PCDHGA4: variants seen among roughly 807,000 people sequenced by gnomAD.
The protein encoded by PCDHGA4 is protocadherin gamma-A4.
A neutral mutation model predicts 54.6 loss-of-function variants in PCDHGA4; 38 were observed. That is an observed-to-expected ratio of 0.70 (90% CI 0.54 to 0.91). The LOEUF (loss-of-function observed/expected upper bound fraction) is 0.91. Among genes scored for constraint, PCDHGA4 ranks in the 40% least tolerant of loss-of-function variants. The pLI is 0.00. For missense variants in PCDHGA4, 1,298 were observed against 1,220.9 expected (o/e 1.06, Z -0.94); for synonymous variants, 511 against 512.9 (o/e 1.00, Z 0.05).
At chr5:141,451,703 A>C (rs975120935) in intron 1 of PCDHGA4, among the ~76,000 whole-genome samples, 2 of 152,144 alleles carry the variant, frequency 1.3e-5, no homozygotes, top group Non-Finnish European at 2.9e-5. Context: ...GTAACATGAC[A>C]AAACCCTGCC....
chr5:141,501,290 T>C lies in PCDHGA4; in HGVS notation c.2574-4103T>C, dbSNP rs796726601. Among the ~76,000 whole-genome samples, 19 of 136,248 alleles carry C rather than the reference T, an allele frequency of 1.4e-4. No individual in the cohort carries two copies. The South Asian group carries it at 2.4e-3, about 17-fold the overall frequency. 89.4% of individuals were successfully genotyped at this position (136,248 alleles called of 152,430 possible). ...GTCCAGTCTATGGGATATTCCCTTA[T>C]ACACACACACACACACACACACACA... On this transcript the variant is annotated intron_variant, in intron 2 of 3. Coordinates refer to ENST00000571252, the MANE Select transcript of PCDHGA4 (RefSeq NM_018917.4).
At chr5:141,387,213 G>C (rs1279285840) in intron 1 of PCDHGA4, among the ~76,000 whole-genome samples, 4 of 152,128 alleles carry the variant, frequency 2.6e-5, no homozygotes, top group Admixed American at 1.3e-4. Flanking sequence ...ATACTCTCCG[G>C]AAAAAGTTGA....
intron 1 of PCDHGA4, chr5:141,376,025 G>A (rs1561571387): frequency 6.2e-7 from 1 of 1,613,266 alleles, no homozygotes; most frequent in East Asian, 2.2e-5. Flanking sequence ...GGCCGTCCAG[G>A]ACCACGGCCA....
Position 141,356,212 on chromosome 5 carries a change from C to G in PCDHGA4, c.1105C>G (p.Leu369Val). 1 of 1,604,368 alleles carries G rather than the reference C, an allele frequency of 6.2e-7. No homozygotes were observed. The change falls in exon 1 of 4, where the codon CTG (leucine) becomes GTG (valine). Residue 369 changes from leucine (L) to valine (V), a missense_variant. Transcript: ENST00000571252. ...RARSKVLVTV[L>V]DENDNAPEVT... ...TAGAAGCAAGGTACTGGTGACAGTTCTGGATGAAAATGACAACGCACCAGA... is the reference window on the plus strand; with the variant it reads ...TAGAAGCAAGGTACTGGTGACAGTTGTGGATGAAAATGACAACGCACCAGA...
intron 1 of PCDHGA4, chr5:141,383,037 A>G: frequency 6.2e-7 from 1 of 1,613,816 alleles, no homozygotes; most frequent in Non-Finnish European, 8.5e-7. Context: ...CCTTTGTGGG[A>G]GACATCGCCA....
At chr5:141,442,129 G>T in intron 1 of PCDHGA4, 1 of 165,104 alleles carries the variant, frequency 6.1e-6, no homozygotes, top group Non-Finnish European at 1.3e-5. Flanking sequence ...CCGACAGCCT[G>T]CAGGAGACTC....
intron 1 of PCDHGA4, among the ~76,000 whole-genome samples, chr5:141,368,503 C>T (rs1016436156): frequency 3.3e-5 from 5 of 151,860 alleles, no homozygotes; most frequent in African/African-American, 7.3e-5. Flanking sequence ...CAGTAGGTGT[C>T]GACATTATTC....
rs537850909 is a variant in PCDHGA4 at position 141,441,865 on chromosome 5, G to A, written c.2515-52942G>A. ...CTTGGATATGGTGCTGCACGCCGCG[G>A]AGCCTGGCTACCTGGTCACCAAGGT... On this transcript the variant is annotated intron_variant, in intron 1 of 3. Coordinates refer to ENST00000571252, the MANE Select transcript of PCDHGA4 (RefSeq NM_018917.4). The A allele has an allele frequency of 4.0e-4, 138 of 345,718 alleles. 1 individual carries two copies. The Admixed American group carries it at 4.6e-3, about 12-fold the overall frequency. The allele number at this position is 345,718 out of a possible 1,614,324, so 21.4% of individuals were successfully genotyped here. A position where few individuals can be genotyped will look rare whatever the true frequency, so the allele number is the denominator to read the frequency against.
rs546603908 is a variant in PCDHGA4, at chr5:141,408,104, C to G, written c.2514+50483C>G. ...ACAGCGGATTGCCAGCTCCGAGACCCGGGACTCCTCCTGTCCTGGGCCGAA... is the reference window on the plus strand; with the variant it reads ...ACAGCGGATTGCCAGCTCCGAGACCGGGGACTCCTCCTGTCCTGGGCCGAA... On this transcript the variant is annotated intron_variant, in intron 1 of 3. Coordinates refer to ENST00000571252, the MANE Select transcript of PCDHGA4 (RefSeq NM_018917.4). The G allele has an allele frequency of 2.8e-3, 4,048 of 1,441,886 alleles. 13 individuals carry two copies. Among genetic ancestry groups the G allele is most frequent in the Admixed American group, 6.6e-3 (242 of 36,606 alleles). 89.3% of individuals were successfully genotyped at this position (1,441,886 alleles called of 1,614,324 possible). A position where few individuals can be genotyped will look rare whatever the true frequency, so the allele number is the denominator to read the frequency against.
intron 1 of PCDHGA4, chr5:141,394,299 C>G: frequency 6.2e-7 from 1 of 1,614,002 alleles, no homozygotes; most frequent in Middle Eastern, 1.6e-4. Context: ...CGAGGACACG[C>G]TGCAGGGGGC....
intron 1 of PCDHGA4, among the ~76,000 whole-genome samples, chr5:141,451,644 G>A (rs1730833205): frequency 6.6e-6 from 1 of 152,178 alleles, no homozygotes; most frequent in Non-Finnish European, 1.5e-5. Context: ...CACTCTGAGA[G>A]GCCAAGGAGG....
intron 1 of PCDHGA4, chr5:141,394,727 C>G (rs971156422): frequency 8.7e-6 from 14 of 1,613,436 alleles, no homozygotes; most frequent in Middle Eastern, 1.6e-4. Flanking sequence ...GAGATGCGCT[C>G]AAGCAGAGCC....
At chr5:141,373,491 C>T (rs975077178) in intron 1 of PCDHGA4, among the ~76,000 whole-genome samples, 1 of 152,180 alleles carries the variant, frequency 6.6e-6, no homozygotes, top group Non-Finnish European at 1.5e-5. Context: ...CCCCTGCACT[C>T]TAGCCTGGGA....
intron 1 of PCDHGA4, chr5:141,397,890 A>G: frequency 3.2e-6 from 2 of 628,782 alleles, no homozygotes; most frequent in Non-Finnish European, 5.3e-6. Context: ...GCTGTTGGCC[A>G]AAGTGCAGAG....
In PCDHGA4 at chr5:141,477,453, A is replaced by T; in HGVS notation, c.2515-17354A>T. On this transcript the variant is annotated intron_variant, in intron 1 of 3. Transcript: ENST00000571252. This position sits in a 1 kb window ranked among gnomAD's most constrained non-coding sequence, Gnocchi z 4.9. Reference sequence around the variant, plus strand: ...TCAGCCCTTACAATAGTGCGTGTTCAAGTGTCCGACATCAATGACAACCCT... The same window carrying T: ...TCAGCCCTTACAATAGTGCGTGTTCTAGTGTCCGACATCAATGACAACCCT... The T allele has an allele frequency of 6.2e-7, 1 of 1,614,136 alleles. No homozygotes were observed. The highest frequency in any genetic ancestry group is 8.5e-7 in the Non-Finnish European group (1 of 1,180,026).
At chr5:141,422,758 A>G in intron 1 of PCDHGA4, 1 of 1,613,150 alleles carries the variant, frequency 6.2e-7, no homozygotes, top group Non-Finnish European at 8.5e-7. Flanking sequence ...TATTAACTCC[A>G]ACACTGGTGT....
chr5:141,510,510 G>A (rs1042950478), intron 3 of PCDHGA4, among the ~76,000 whole-genome samples: 5 of 152,132 alleles, frequency 3.3e-5, no homozygotes, highest in Non-Finnish European at 5.9e-5. Context: ...CTGAGAGCCC[G>A]TGTCACAGCC....
chr5:141,469,517 G>A (rs1416478511), intron 1 of PCDHGA4, among the ~76,000 whole-genome samples: 1 of 152,198 alleles, frequency 6.6e-6, no homozygotes, highest in Non-Finnish European at 1.5e-5. Flanking sequence ...GGAGGTTGCA[G>A]TGAGCCAAGA....
At chr5:141,423,940 G>T in intron 1 of PCDHGA4, 1 of 1,217,216 alleles carries the variant, frequency 8.2e-7, no homozygotes, top group Non-Finnish European at 1.0e-6. Context: ...TTTGAAGTAA[G>T]TTGAATTTTA....
Sources: gnomAD v4.1 joint callset for allele counts (sites outside exome capture counted in the v4.1 genomes callset) on GRCh38, gnomAD v4.1.1 for gene constraint, Gnocchi (gnomAD v3.1) non-coding constraint, MANE v1.5 for transcripts, NCBI Gene and HGNC (gene_info 2026-07-23, HGNC 2026-07-21) for gene names.